HSPG2: variants seen among roughly 807,000 people sequenced by gnomAD.
HSPG2 encodes basement membrane-specific heparan sulfate proteoglycan core protein.
HSPG2 carries 278 observed loss-of-function variants against 526.6 expected under a neutral mutation model. That is an observed-to-expected ratio of 0.53 (90% CI 0.48 to 0.58). HSPG2 has a LOEUF of 0.58. HSPG2 is among the 20% of genes least tolerant of loss of function. The pLI, the probability that HSPG2 is intolerant of heterozygous loss-of-function variation, is 0.00. For missense variants in HSPG2, 5,354 were observed against 6,099.5 expected, an observed-to-expected ratio of 0.88 and a Z score of 4.07; for synonymous variants, 2,465 against 2,555.4, an observed-to-expected ratio of 0.96 and a Z score of 1.07.
In HSPG2 at chr1:21,841,594, G is replaced by A. The variant is rs1572189321; in HGVS notation, c.9273C>T (p.Cys3091=). ...CCACACCGTAGGCATTGGAGGCCAC[G>A]CAGCGGTAGGTACCGTGGTTGCTGG... The part of the protein sequence containing the change: ...TRPSNHGTYR[C]VASNAYGVAQ... The change falls in exon 70 of 97, where the codon TGC becomes TGT. Residue 3091 remains cysteine, a synonymous_variant. Transcript: ENST00000374695. The A allele has an allele frequency of 1.9e-6, 3 of 1,614,220 alleles. No homozygotes were observed. The highest frequency in any genetic ancestry group is 1.3e-5 in the African/African-American group (1 of 75,064).
chr1:21,927,384 C>T (rs773442065), intron 1 of HSPG2, among the ~76,000 whole-genome samples: 30 of 152,032 alleles, frequency 2.0e-4, no homozygotes, highest in Non-Finnish European at 3.4e-4. Context: ...TCTGAGGCCA[C>T]GGGAGCCAGA....
intron 1 of HSPG2, among the ~76,000 whole-genome samples, chr1:21,916,146 C>A (rs1356970671): frequency 6.6e-6 from 1 of 151,416 alleles, no homozygotes; most frequent in African/African-American, 2.4e-5. Context: ...GCGGGCAGAT[C>A]ATGAGGTCAG....
Position 21,931,425 on chromosome 1 carries a change from G to A in HSPG2, c.63+5730C>T, listed in dbSNP as rs1226361907. Among the ~76,000 whole-genome samples, 10 of 152,334 alleles carry A rather than the reference G, an allele frequency of 6.6e-5. No individual in the cohort carries two copies. The South Asian group carries it at 1.0e-3, about 16-fold the overall frequency. On this transcript the variant is annotated intron_variant, in intron 1 of 96. Coordinates refer to ENST00000374695, the MANE Select transcript of HSPG2 (RefSeq NM_005529.7). ...GCGGAAGCAACATTCCAGCAGGGCC[G>A]GGACCCTCGGCGCAGCCTCCCTCTT...
intron 25 of HSPG2, 149 bp from the exon 26 acceptor site, chr1:21,875,151 G>C: frequency 1.5e-6 from 1 of 688,730 alleles, no homozygotes. Context: ...AGGCTGCGAG[G>C]ACCGTGGCAA....
intron 87 of HSPG2, 146 bp from the exon 88 acceptor site, chr1:21,829,225 A>G (rs969117725): frequency 4.7e-5 from 65 of 1,390,136 alleles, no homozygotes; most frequent in Non-Finnish European, 6.1e-5. Context: ...AGAGAGGGCT[A>G]GGGATTGGCC....
chr1:21,908,161 C>T (rs4654995), intron 1 of HSPG2: 235,175 of 829,590 alleles, frequency 0.28, 39,824 homozygotes, highest in Middle Eastern at 0.43. Flanking sequence ...TTTTAGAAAA[C>T]ATGGAGTTGT....
At chr1:21,830,216 G>C (rs2097996559) in intron 85 of HSPG2, 125 bp from the exon 86 acceptor site, 10 of 777,016 alleles carry the variant, frequency 1.3e-5, no homozygotes, top group South Asian at 4.6e-5. Flanking sequence ...CCAGCCTCCT[G>C]GGAGGCCTTG....
chr1:21,888,151 G>A (rs1642079457), intron 6 of HSPG2, 85 bp from the exon 7 acceptor site: 1 of 1,569,856 alleles, frequency 6.4e-7, no homozygotes, highest in African/African-American at 1.3e-5. Context: ...GCTGGAGTGG[G>A]CTCCAGGGCC....
chr1:21,873,948 G>T lies in HSPG2; in HGVS notation c.3720C>A (p.Gly1240=). The T allele has an allele frequency of 6.2e-7, 1 of 1,601,986 alleles. No individual in the cohort carries two copies. Among genetic ancestry groups the T allele is most frequent in the East Asian group, 2.2e-5 (1 of 44,556 alleles). The part of the protein sequence containing the change: ...GHPTCDACSP[G]HSGRHCERCA... ...ACCTCTCACAGTGACGCCCACTGTG[G>T]CCTGGGGAGCACGCATCACAGGTGG... Residue 1240 remains glycine, a synonymous_variant, in exon 29 of 97, where the codon GGC becomes GGA. Coordinates refer to ENST00000374695, the MANE Select transcript of HSPG2 (RefSeq NM_005529.7).
rs1178600153 is a variant in HSPG2 at position 21,827,869 on chromosome 1, C to A, written c.12583G>T (p.Gly4195Cys). The A allele has an allele frequency of 6.3e-7, 1 of 1,583,790 alleles. No homozygotes were observed. Among genetic ancestry groups the A allele is most frequent in the Non-Finnish European group, 8.6e-7 (1 of 1,164,888 alleles). Reference sequence around the variant, plus strand: ...GGCCATGGCAAGTACTCACCATTGCCCCCGCTGCCTTCAAGATGCCAGTCG... The same window carrying A: ...GGCCATGGCAAGTACTCACCATTGCACCCGCTGCCTTCAAGATGCCAGTCG... Reference protein sequence around the residue: ...ESDWHLEGSGGNDAPGQYGAY... With the variant: ...ESDWHLEGSGCNDAPGQYGAY... The change falls in exon 91 of 97, where the codon GGC (glycine) becomes TGC (cysteine). Residue 4195 changes from glycine (G) to cysteine (C), a missense_variant. By Grantham distance (159) the Gly-to-Cys change is radical. Transcript: ENST00000374695.
chr1:21,866,981 A>G (rs1468763467), intron 33 of HSPG2, among the ~76,000 whole-genome samples: 1 of 152,208 alleles, frequency 6.6e-6, no homozygotes, highest in South Asian at 2.1e-4. Flanking sequence ...TGAATGCCAG[A>G]AAGTTCACAG....
At position 21,857,809 on chromosome 1, in the gene HSPG2, G is replaced by A. The variant is rs143145904; in HGVS notation, c.5294-424C>T. Among the ~76,000 whole-genome samples the A allele has an allele frequency of 2.0e-4, 30 of 152,224 alleles. No homozygotes were observed. The East Asian group carries it at 5.8e-3, about 29-fold the overall frequency. ...GCTAGTGGCGCTGACACACACTTAT[G>A]GAGAAAATAGAAACGACAAGTCAGG... On this transcript the variant is annotated intron_variant, in intron 42 of 96. Transcript: ENST00000374695.
rs759328352 is a variant in HSPG2 at position 21,848,851 on chromosome 1, C to T, written c.7585+42G>A. 6.2e-7 allele frequency: 1 copy of T among 1,612,854 alleles called. No homozygotes were observed. Among genetic ancestry groups the T allele is most frequent in the Admixed American group, 1.7e-5 (1 of 59,982 alleles). ...GAGCTGCTGAGGGTGCAGTCGGGGT[C>T]CCCCAGCCCTCCACCATTTGCATGA... On this transcript the variant is annotated intron_variant, in intron 58 of 96. Transcript: ENST00000374695. This position sits in a 1 kb window ranked among gnomAD's most constrained non-coding sequence, Gnocchi z 4.9.
At chr1:21,924,606 G>A (rs530737639) in intron 1 of HSPG2, among the ~76,000 whole-genome samples, 1 of 152,278 alleles carries the variant, frequency 6.6e-6, no homozygotes, top group Non-Finnish European at 1.5e-5. Context: ...GAGGCCCGGG[G>A]AGGAGAGATG....
At chr1:21,837,457 T>TTTTTTA in intron 74 of HSPG2, among the ~76,000 whole-genome samples, 1 of 151,608 alleles carries the variant, frequency 6.6e-6, no homozygotes. Flanking sequence ...TTTTTTTTTT[T>TTTTTTA]TTTTGTATTT....
chr1:21,865,820 G>C lies in HSPG2; in HGVS notation c.4222-11C>G, dbSNP rs1166946795. On this transcript the variant is annotated splice_polypyrimidine_tract_variant and intron_variant, in intron 33 of 96. Transcript: ENST00000374695. The surrounding 1 kb of genome is among the most constrained non-coding windows in gnomAD (Gnocchi z 5.4). ...ACCGTAGGCCGCCACCTGCAAAGAGGCAAGCCCAGAGGTCACAGGCTGACC... is the reference window on the plus strand; with the variant it reads ...ACCGTAGGCCGCCACCTGCAAAGAGCCAAGCCCAGAGGTCACAGGCTGACC... The C allele has an allele frequency of 6.2e-7, 1 of 1,609,656 alleles. No homozygotes were observed. Among genetic ancestry groups the C allele is most frequent in the Non-Finnish European group, 8.5e-7 (1 of 1,176,480 alleles).
chr1:21,907,737 C>A (rs1643453654), intron 1 of HSPG2, among the ~76,000 whole-genome samples: 1 of 152,120 alleles, frequency 6.6e-6, no homozygotes, highest in African/African-American at 2.4e-5. Context: ...TGGTCTCGAA[C>A]TCCTGGTTTC....
rs755797996 is a variant in HSPG2, at chr1:21,887,471, G to A, written c.907C>T (p.Leu303Phe). The A allele has an allele frequency of 2.5e-6, 4 of 1,613,972 alleles. No individual in the cohort carries two copies. The African/African-American group carries it at 4.0e-5, about 16-fold the overall frequency. ...RNGHCIPRDYLCDGQEDCEDG... is the reference protein window; with the variant it reads ...RNGHCIPRDYFCDGQEDCEDG... ...TCGCAGTCCTCCTGTCCGTCGCAGA[G>A]GTAGTCTCTGGGGATGCAGTGCCCA... The change falls in exon 8 of 97, where the codon CTC (leucine) becomes TTC (phenylalanine). Residue 303 changes from leucine (L) to phenylalanine (F), a missense_variant. Physicochemically the swap from Leu to Phe is conservative, Grantham distance 22. Coordinates refer to ENST00000374695, the MANE Select transcript of HSPG2 (RefSeq NM_005529.7). The surrounding 1 kb of genome is among the most constrained non-coding windows in gnomAD (Gnocchi z 5.0).
rs746954804 is a variant in HSPG2, at chr1:21,829,983, C to A, written c.11770+10G>T. The A allele has an allele frequency of 1.9e-6, 3 of 1,600,176 alleles. No individual in the cohort carries two copies. The highest frequency in any genetic ancestry group is 2.6e-6 in the Non-Finnish European group (3 of 1,173,576). Reference sequence around the variant, plus strand: ...AGGACCCTGGGGGTCTCAGGCCTGGCTCCCCTCACCTTCCTCACACCGCAA... The same window carrying A: ...AGGACCCTGGGGGTCTCAGGCCTGGATCCCCTCACCTTCCTCACACCGCAA... On this transcript the variant is annotated intron_variant, in intron 86 of 96. Coordinates refer to ENST00000374695, the MANE Select transcript of HSPG2 (RefSeq NM_005529.7).
Sources: gnomAD v4.1 joint callset for allele counts (sites outside exome capture counted in the v4.1 genomes callset) on GRCh38, gnomAD v4.1.1 for gene constraint, Gnocchi (gnomAD v3.1) non-coding constraint, MANE v1.5 for transcripts, NCBI Gene and HGNC (gene_info 2026-07-23, HGNC 2026-07-21) for gene names.